CNBD1: variants seen among roughly 807,000 people sequenced by gnomAD.
CNBD1 encodes cyclic nucleotide-binding domain-containing protein 1.
In CNBD1, 71 loss-of-function variants were observed where a neutral mutation model predicts 54.4. That is an observed-to-expected ratio of 1.30 (90% confidence interval 1.08 to 1.59). CNBD1 has a LOEUF of 1.59. Among genes scored for constraint, CNBD1 ranks in the 40% most tolerant of loss-of-function variants. The pLI, the probability that CNBD1 is intolerant of heterozygous loss-of-function variation, is 0.00. For missense variants in CNBD1, 659 were observed against 518.0 expected, an observed-to-expected ratio of 1.27 and a Z score of -2.64; for synonymous variants, 182 against 170.7, an observed-to-expected ratio of 1.07 and a Z score of -0.51.
intron 2 of CNBD1, among the ~76,000 whole-genome samples, chr8:87,411,416 A>G (rs1394153802): frequency 7.1e-6 from 1 of 140,788 alleles, no homozygotes; most frequent in Non-Finnish European, 1.5e-5. Flanking sequence ...ATATATATAT[A>G]TATATATATA....
chr8:87,395,610 AATG>A (rs1280838550), intron 2 of CNBD1, among the ~76,000 whole-genome samples: 1 of 151,886 alleles, frequency 6.6e-6, no homozygotes, highest in African/African-American at 2.4e-5. Flanking sequence ...TATGAAGGCT[AATG>A]ATCATTCTCT....
intron 2 of CNBD1, among the ~76,000 whole-genome samples, chr8:87,407,408 T>C (rs1210167124): frequency 6.6e-6 from 1 of 152,106 alleles, no homozygotes; most frequent in Non-Finnish European, 1.5e-5. Context: ...TTGATGGATA[T>C]TGGTGGTGTT....
At chr8:87,390,973 C>A (rs1476052431) in intron 2 of CNBD1, among the ~76,000 whole-genome samples, 1 of 151,888 alleles carries the variant, frequency 6.6e-6, no homozygotes, top group African/African-American at 2.4e-5. Context: ...CCATCATTCT[C>A]AGCAAACTAT....
intron 8 of CNBD1, among the ~76,000 whole-genome samples, chr8:87,302,307 ATCGCT>A (rs1209971490): frequency 2.0e-5 from 3 of 152,246 alleles, no homozygotes; most frequent in African/African-American, 7.2e-5. Flanking sequence ...AGTGGGCTTC[ATCGCT>A]GGGATGCAAG....
At chr8:86,916,766 C>T (rs1372631213) in intron 3 of CNBD1, among the ~76,000 whole-genome samples, 2 of 151,938 alleles carry the variant, frequency 1.3e-5, no homozygotes, top group East Asian at 3.9e-4. Flanking sequence ...TGCAGTGGTG[C>T]AAACTTGGCT....
chr8:87,283,527 C>T (rs1273731870), intron 6 of CNBD1, among the ~76,000 whole-genome samples: 2 of 152,020 alleles, frequency 1.3e-5, no homozygotes, highest in Non-Finnish European at 2.9e-5. Context: ...GTGTACCAGG[C>T]TTTTTATTGA....
intron 5 of CNBD1, among the ~76,000 whole-genome samples, chr8:87,228,231 T>G (rs1814556628): frequency 6.6e-6 from 1 of 150,912 alleles, no homozygotes; most frequent in South Asian, 2.1e-4. Flanking sequence ...GAAGCCTTCT[T>G]CTCTCAGCTC....
At chr8:87,323,203 T>C (rs931208844) in intron 8 of CNBD1, among the ~76,000 whole-genome samples, 9 of 119,220 alleles carry the variant, frequency 7.5e-5, no homozygotes, top group African/African-American at 2.6e-4. Context: ...TTTTGGTTAC[T>C]GTAGCCTTGT....
At chr8:87,407,345 C>T (rs549144224) in intron 2 of CNBD1, among the ~76,000 whole-genome samples, 1 of 151,850 alleles carries the variant, frequency 6.6e-6, no homozygotes, top group East Asian at 1.9e-4. Context: ...GTACTCAGTA[C>T]TTAGTTTATT....
chr8:87,359,280 C>T (rs1206438833), intron 10 of CNBD1, among the ~76,000 whole-genome samples: 2 of 146,516 alleles, frequency 1.4e-5, no homozygotes, highest in Admixed American at 1.3e-4. Flanking sequence ...CAGACTATTC[C>T]ATAGTCTGAA....
At chr8:87,120,932 G>A (rs1223142166) in intron 4 of CNBD1, among the ~76,000 whole-genome samples, 1 of 151,890 alleles carries the variant, frequency 6.6e-6, no homozygotes, top group African/African-American at 2.4e-5. Context: ...ACATCAGTTG[G>A]CAAGTGTTTC....
chr8:87,038,912 G>GATACC (rs1810004830), intron 4 of CNBD1, among the ~76,000 whole-genome samples: 1 of 152,152 alleles, frequency 6.6e-6, no homozygotes, highest in African/African-American at 2.4e-5. Flanking sequence ...TGCCTTCAGT[G>GATACC]ATACCCATTG....
intron 8 of CNBD1, among the ~76,000 whole-genome samples, chr8:87,336,528 G>A (rs1809947857): frequency 6.6e-6 from 1 of 152,072 alleles, no homozygotes; most frequent in Non-Finnish European, 1.5e-5. Context: ...TTCTTGTGCT[G>A]TGGTTTTCAG....
At chr8:87,311,866 T>C (rs768813010) in intron 8 of CNBD1, among the ~76,000 whole-genome samples, 5 of 152,084 alleles carry the variant, frequency 3.3e-5, no homozygotes, top group Non-Finnish European at 7.4e-5. Context: ...ATACTGCATG[T>C]TCTCACTTGT....
At chr8:86,922,407 C>A (rs1358135389) in intron 3 of CNBD1, among the ~76,000 whole-genome samples, 2 of 151,964 alleles carry the variant, frequency 1.3e-5, no homozygotes, top group Non-Finnish European at 2.9e-5. Context: ...ATATTTGGAC[C>A]TTTTGGAAGT....
At chr8:86,980,993 A>T (rs1227441697) in intron 4 of CNBD1, among the ~76,000 whole-genome samples, 1 of 152,196 alleles carries the variant, frequency 6.6e-6, no homozygotes, top group African/African-American at 2.4e-5. Context: ...AGACTTTCAC[A>T]GTGTGTGTAC....
intron 4 of CNBD1, among the ~76,000 whole-genome samples, chr8:86,952,487 A>G (rs2130450481): frequency 6.6e-6 from 1 of 152,184 alleles, no homozygotes; most frequent in Non-Finnish European, 1.5e-5. Context: ...AAAATTTTTC[A>G]GAAAAATATT....
intron 5 of CNBD1, among the ~76,000 whole-genome samples, chr8:87,228,884 A>G (rs529848043): frequency 1.2e-4 from 18 of 152,270 alleles, no homozygotes; most frequent in Admixed American, 5.9e-4. Context: ...TATGCTAGCA[A>G]TCAGCGAGAC....
intron 4 of CNBD1, among the ~76,000 whole-genome samples, chr8:87,013,794 CA>C (rs1205341202): frequency 6.6e-6 from 1 of 151,462 alleles, no homozygotes; most frequent in Non-Finnish European, 1.5e-5. Flanking sequence ...GTTTAATTGG[CA>C]GTTAAATGTT....
Sources: allele counts gnomAD v4.1 joint callset (sites outside exome capture counted in the v4.1 genomes callset), GRCh38; gene constraint gnomAD v4.1.1; transcripts MANE v1.5; gene names NCBI Gene and HGNC (gene_info 2026-07-23, HGNC 2026-07-21).